The following UHRF2 variants were observed in gnomAD, a reference collection of about 807,000 sequenced individuals.
UHRF2 encodes the protein ubiquitin like with PHD and ring finger domains 2.
Under a neutral mutation model 96.8 loss-of-function variants are expected in UHRF2, and 23 were observed. That is an observed-to-expected ratio of 0.24 (90% CI 0.17 to 0.34). The LOEUF (loss-of-function observed/expected upper bound fraction) is 0.34, where lower values mean the gene tolerates loss of function less well. Ranked by LOEUF, UHRF2 falls within the 10% of genes least tolerant of loss-of-function variation. The pLI is 1.00. For synonymous variants in UHRF2, 385 were observed against 332.6 expected (o/e 1.16, Z -1.72); for missense variants, 685 against 981.5 (o/e 0.70, Z 4.04).
At chr9:6,479,690 A>T (rs1361237142) in intron 6 of UHRF2, among the ~76,000 whole-genome samples, 1 of 152,132 alleles carries the variant, frequency 6.6e-6, no homozygotes, top group African/African-American at 2.4e-5. Flanking sequence ...GATTTCCACA[A>T]ACTCCCTAAA....
At chr9:6,428,051 T>C (rs10758788) in intron 2 of UHRF2, among the ~76,000 whole-genome samples, 110,544 of 152,094 alleles carry the variant, frequency 0.73, 41,700 homozygotes, top group South Asian at 0.83. Flanking sequence ...AAATAATGAC[T>C]GTTTAGAATG....
chr9:6,502,007 C>T (rs765568763), intron 14 of UHRF2, among the ~76,000 whole-genome samples: 1 of 152,168 alleles, frequency 6.6e-6, no homozygotes, highest in Non-Finnish European at 1.5e-5. Flanking sequence ...ATTATTGTGA[C>T]CTTGCTGCTA....
intron 2 of UHRF2, among the ~76,000 whole-genome samples, chr9:6,430,869 T>G (rs1820528360): frequency 6.6e-6 from 1 of 152,228 alleles, no homozygotes. Flanking sequence ...AATTCTTCTT[T>G]CAGTGGCATT....
At chr9:6,486,708 CTG>C in intron 8 of UHRF2, 111 bp from the exon 9 acceptor site, 1 of 951,152 alleles carries the variant, frequency 1.1e-6, no homozygotes, top group Non-Finnish European at 1.6e-6. Context: ...AGATAGAACT[CTG>C]TGAGACTCAC....
chr9:6,473,731 A>C (rs1587845612), intron 4 of UHRF2, among the ~76,000 whole-genome samples: 1 of 152,102 alleles, frequency 6.6e-6, no homozygotes, highest in African/African-American at 2.4e-5. Flanking sequence ...CAACTACTTA[A>C]CTCCCCTGTT....
At chr9:6,488,328 C>G (rs541906609) in intron 9 of UHRF2, among the ~76,000 whole-genome samples, 245 of 139,060 alleles carry the variant, frequency 1.8e-3, no homozygotes, top group African/African-American at 6.3e-3. Flanking sequence ...GGATCCTGTG[C>G]CCTCTACCCA....
At chr9:6,481,150 A>G (rs1310313596) in intron 6 of UHRF2, among the ~76,000 whole-genome samples, 1 of 152,220 alleles carries the variant, frequency 6.6e-6, no homozygotes, top group Non-Finnish European at 1.5e-5. Context: ...AGCATAAGCA[A>G]TTAAAATGAA....
chr9:6,485,062 G>T (rs1329895154), intron 8 of UHRF2, among the ~76,000 whole-genome samples: 1 of 151,892 alleles, frequency 6.6e-6, no homozygotes, highest in Non-Finnish European at 1.5e-5. Flanking sequence ...CAAAGTGCTG[G>T]GATTACAGGC....
At position 6,464,447 on chromosome 9, in the gene UHRF2, A is replaced by G. The variant is rs914608238; in HGVS notation, c.863+3656A>G. Among the ~76,000 whole-genome samples the G allele has an allele frequency of 1.6e-4, 25 of 152,288 alleles. 1 individual carries two copies. The highest frequency in any genetic ancestry group is 4.6e-4 in the Admixed American group (7 of 15,300). On this transcript the variant is annotated intron_variant, in intron 4 of 15. Coordinates refer to ENST00000276893, the MANE Select transcript of UHRF2 (RefSeq NM_152896.3). ...AATTTTAATGCAGTTGAGGTTATCAAAGTTCAAGAAAGTTTTTTTTTCCTT... is the reference window on the plus strand; with the variant it reads ...AATTTTAATGCAGTTGAGGTTATCAGAGTTCAAGAAAGTTTTTTTTTCCTT...
chr9:6,416,467 G>C (rs1397770541), intron 1 of UHRF2, among the ~76,000 whole-genome samples: 1 of 148,148 alleles, frequency 6.8e-6, no homozygotes, highest in East Asian at 2.1e-4. Context: ...TATCTGGGAA[G>C]TTGAGTTTGA....
chr9:6,470,592 A>G (rs895847078), intron 4 of UHRF2, among the ~76,000 whole-genome samples: 3 of 152,168 alleles, frequency 2.0e-5, no homozygotes, highest in Non-Finnish European at 4.4e-5. Flanking sequence ...ATGTATGAGT[A>G]AGTATAAATA....
In UHRF2 at chr9:6,441,370, T is replaced by C. The variant is rs149114194; in HGVS notation, c.644+7197T>C. On this transcript the variant is annotated intron_variant, in intron 3 of 15. Coordinates refer to ENST00000276893, the MANE Select transcript of UHRF2 (RefSeq NM_152896.3). The stretch of plus-strand genomic sequence containing the variant: ...GCTTGGGTGACACGGTGAAAACCTG[T>C]CTCTACCCCTCCCAAAAAGAAAAAA... Among the ~76,000 whole-genome samples, 42 of 150,116 alleles carry C rather than the reference T, an allele frequency of 2.8e-4. No homozygotes were observed. In the East Asian group the frequency reaches 8.0e-3, roughly 29 times the overall value.
At chr9:6,476,694 A>G (rs1823594154) in intron 5 of UHRF2, among the ~76,000 whole-genome samples, 1 of 152,044 alleles carries the variant, frequency 6.6e-6, no homozygotes, top group South Asian at 2.1e-4. Context: ...TCCCGGGTTC[A>G]GGTGATTCTC....
chr9:6,506,408 AG>A lies in UHRF2; in HGVS notation c.*230del. The A allele has an allele frequency of 4.8e-6, 2 of 419,138 alleles. No individual in the cohort carries two copies. The highest frequency in any genetic ancestry group is 8.2e-6 in the Non-Finnish European group (2 of 243,854). The allele number at this position is 419,138 out of a possible 1,614,324, so 26.0% of individuals were successfully genotyped here. ...TAACAACTAGTTTTAATGAGTAAAA[AG>A]TCAAAGCCTCAGCTCTAGTTGATAT... is the stretch of plus-strand genomic sequence containing the variant. On this transcript the variant is annotated 3_prime_UTR_variant, in exon 16 of 16. Coordinates refer to ENST00000276893, the MANE Select transcript of UHRF2 (RefSeq NM_152896.3).
chr9:6,413,680 G>A, intron 1 of UHRF2, 37 bp downstream of exon 1: 2 of 1,520,080 alleles, frequency 1.3e-6, no homozygotes, highest in Non-Finnish European at 1.8e-6. Context: ...CGAGGCTGGG[G>A]GCCGGAACAG....
At chr9:6,447,954 A>G (rs1448224965) in intron 3 of UHRF2, among the ~76,000 whole-genome samples, 1 of 152,226 alleles carries the variant, frequency 6.6e-6, no homozygotes, top group Non-Finnish European at 1.5e-5. Flanking sequence ...GTTAATTTGT[A>G]TTAACATTTT....
At position 6,460,661 on chromosome 9, in the gene UHRF2, G is replaced by C; in HGVS notation, c.733G>C (p.Gly245Arg). The change falls in exon 4 of 16, where the codon GGT (glycine) becomes CGT (arginine). Residue 245 changes from glycine to arginine, a missense_variant. This residue lies in a region of UHRF2 where 391 missense variants were observed against 437.0 expected (regional missense o/e 0.89). Transcript: ENST00000276893. ...TTTGAAATGGAATGAACTAAATGTTGGTGATGTGGTAATGGTTAATTATAA... is the reference window on the plus strand; with the variant it reads ...TTTGAAATGGAATGAACTAAATGTTCGTGATGTGGTAATGGTTAATTATAA... Reference protein sequence around the residue: ...TILKWNELNVGDVVMVNYNVE... With the variant: ...TILKWNELNVRDVVMVNYNVE... 1 of 1,613,714 alleles carries C rather than the reference G, an allele frequency of 6.2e-7. No homozygotes were observed. Among genetic ancestry groups the C allele is most frequent in the Non-Finnish European group, 8.5e-7 (1 of 1,179,950 alleles).
At chr9:6,496,586 T>C (rs1163723998) in intron 10 of UHRF2, 1 of 152,224 alleles carries the variant, frequency 6.6e-6, no homozygotes, top group African/African-American at 2.4e-5. Context: ...GAAGTCTTCA[T>C]TGTCATTAGC....
At chr9:6,479,079 A>C (rs1033013691) in intron 6 of UHRF2, among the ~76,000 whole-genome samples, 1 of 152,074 alleles carries the variant, frequency 6.6e-6, no homozygotes, top group African/African-American at 2.4e-5. Context: ...TTAGCATTCT[A>C]GAATCTCTTG....
Sources: allele counts gnomAD v4.1 joint callset (sites outside exome capture counted in the v4.1 genomes callset), GRCh38; gene constraint gnomAD v4.1.1; regional missense constraint gnomAD v4.1.1; transcripts MANE v1.5; gene names NCBI Gene and HGNC (gene_info 2026-07-23, HGNC 2026-07-21).